The following GOLGA6L9 variants were observed in gnomAD, a reference collection of about 807,000 sequenced individuals.
The protein encoded by GOLGA6L9 is golgin subfamily A member 6-like protein 9.
In GOLGA6L9, 19 loss-of-function variants were observed where a neutral mutation model predicts 51.3. The observed-to-expected ratio is 0.37, with a 90% CI of 0.26 to 0.54. GOLGA6L9 has a LOEUF of 0.54. GOLGA6L9 is among the 20% of genes least tolerant of loss of function. The pLI is 0.83. For missense variants in GOLGA6L9, 247 were observed against 464.1 expected, an observed-to-expected ratio of 0.53 and a Z score of 4.30; for synonymous variants, 97 against 184.2, an observed-to-expected ratio of 0.53 and a Z score of 3.83.
At chr15:82,417,268 C>T in the GOLGA6L9 span, among the ~76,000 whole-genome samples, 2 of 151,974 alleles carry the variant, frequency 1.3e-5, no homozygotes, top group South Asian at 2.1e-4. Flanking sequence ...CTTAGATGAC[C>T]GTTACTTCAA....
upstream of GOLGA6L9, among the ~76,000 whole-genome samples, chr15:82,427,336 C>A (rs1416095633): frequency 1.6e-5 from 2 of 126,934 alleles, no homozygotes; most frequent in Non-Finnish European, 3.3e-5. Context: ...CTTTTTCTTT[C>A]TCTCTTTTTC....
At chr15:82,418,080 CACTT>C in the GOLGA6L9 span, among the ~76,000 whole-genome samples, 6 of 152,174 alleles carry the variant, frequency 3.9e-5, no homozygotes, top group African/African-American at 1.4e-4. Context: ...GTGGGAAAGA[CACTT>C]GCTTGGATTC....
intron 7 of GOLGA6L9, 145 bp from the exon 8 acceptor site, chr15:82,435,822 A>AGG (rs2031643571): frequency 1.9e-6 from 1 of 522,640 alleles, no homozygotes; most frequent in African/African-American, 3.3e-5. Context: ...GTTCTAAGCA[A>AGG]GGGAGACAGT....
intron 4 of GOLGA6L9, 38 bp downstream of exon 4, chr15:82,432,935 A>G: frequency 1.3e-6 from 2 of 1,585,678 alleles, no homozygotes; most frequent in Admixed American, 1.7e-5. Flanking sequence ...ACAGCTGGTC[A>G]ATCCTGGACT....
At position 82,431,880 on chromosome 15, in the gene GOLGA6L9, C is replaced by G. The variant is rs2031415392; in HGVS notation, c.135C>G (p.Asn45Lys). 1 of 1,442,734 alleles carries G rather than the reference C, an allele frequency of 6.9e-7. No individual in the cohort carries two copies. The highest frequency in any genetic ancestry group is 9.2e-7 in the Non-Finnish European group (1 of 1,091,698). 89.4% of individuals were successfully genotyped at this position (1,442,734 alleles called of 1,614,324 possible). A position where few individuals can be genotyped will look rare whatever the true frequency, so the allele number is the denominator to read the frequency against. ...RKSPGIPAGA[N>K]RKKKINGSSP... Reference sequence around the variant, plus strand: ...GCCCTGGCATTCCAGCAGGAGCTAACAGGAAAAAGAAAATCAATGGCAGTA... The same window carrying G: ...GCCCTGGCATTCCAGCAGGAGCTAAGAGGAAAAAGAAAATCAATGGCAGTA... Residue 45 changes from asparagine (N) to lysine (K), a missense_variant, in exon 2 of 9, where the codon AAC becomes AAG. By Grantham distance (94) the Asn-to-Lys change is moderately conservative (BLOSUM62 0). Around this residue, in one of 9 missense-constraint regions of GOLGA6L9, gnomAD observed 74 missense variants for 91.2 expected, o/e 0.81. Transcript: ENST00000618348.
chr15:82,416,461 G>C, the GOLGA6L9 span, among the ~76,000 whole-genome samples: 1 of 152,100 alleles, frequency 6.6e-6, no homozygotes, highest in African/African-American at 2.4e-5. Context: ...GAGACACATT[G>C]TGCTCACAGA....
chr15:82,436,181 T>C (rs2031659709), intron 8 of GOLGA6L9, 98 bp from the exon 9 acceptor site: 1 of 743,636 alleles, frequency 1.3e-6, no homozygotes. Flanking sequence ...TGAGCCTCAC[T>C]GATAGCATGG....
chr15:82,424,814 C>CA, the GOLGA6L9 span, among the ~76,000 whole-genome samples: 1 of 147,478 alleles, frequency 6.8e-6, no homozygotes, highest in Non-Finnish European at 1.5e-5. Context: ...TGCTGAAAAT[C>CA]AGACTCTTCT....
chr15:82,417,411 G>A, the GOLGA6L9 span, among the ~76,000 whole-genome samples: 4 of 152,138 alleles, frequency 2.6e-5, no homozygotes, highest in African/African-American at 4.8e-5. Context: ...TAGTAGAGTC[G>A]ACCACTTTTA....
the GOLGA6L9 span, among the ~76,000 whole-genome samples, chr15:82,420,785 A>AAATG: frequency 1.3e-5 from 2 of 152,162 alleles, no homozygotes. Flanking sequence ...CCAGGACATT[A>AAATG]CTGAGAAAGC....
the GOLGA6L9 span, chr15:82,419,980 G>A: frequency 2.5e-6 from 1 of 393,812 alleles, no homozygotes; most frequent in South Asian, 2.6e-5. Context: ...CTTCCTGTAG[G>A]GCTGAAGCAG....
chr15:82,416,728 C>T, the GOLGA6L9 span, among the ~76,000 whole-genome samples: 4 of 152,156 alleles, frequency 2.6e-5, no homozygotes, highest in Non-Finnish European at 4.4e-5. Context: ...AAAGCTTAAG[C>T]ATTGTGTGAT....
upstream of GOLGA6L9, among the ~76,000 whole-genome samples, chr15:82,429,066 C>T (rs2031299032): frequency 6.6e-6 from 1 of 151,916 alleles, no homozygotes; most frequent in South Asian, 2.1e-4. Context: ...TATTTTGTAT[C>T]TTATTTTATT....
At chr15:82,429,806 G>C (rs2031341253), upstream of GOLGA6L9, among the ~76,000 whole-genome samples, 2 of 152,086 alleles carry the variant, frequency 1.3e-5, no homozygotes, top group Non-Finnish European at 1.5e-5. Flanking sequence ...CCCTCTCCCA[G>C]AGTGGGCGGC....
the GOLGA6L9 span, among the ~76,000 whole-genome samples, chr15:82,417,760 G>A: frequency 6.6e-6 from 1 of 152,176 alleles, no homozygotes; most frequent in Non-Finnish European, 1.5e-5. Flanking sequence ...CAAGTGTGGT[G>A]TTAACTCATT....
At chr15:82,429,074 A>G (rs3879331), upstream of GOLGA6L9, among the ~76,000 whole-genome samples, 52,772 of 151,762 alleles carry the variant, frequency 0.35, 10,060 homozygotes, top group East Asian at 0.6. Flanking sequence ...ATCTTATTTT[A>G]TTTTATTTTA....
chr15:82,420,972 T>C, the GOLGA6L9 span, among the ~76,000 whole-genome samples: 2 of 131,738 alleles, frequency 1.5e-5, no homozygotes, highest in African/African-American at 5.9e-5. Context: ...GCACACAGCC[T>C]TTAGGGCAGC....
rs1158511729 is a variant in GOLGA6L9, at chr15:82,430,143, T to C, written c.64T>C (p.Leu22=). 2.7e-5 allele frequency: 23 copies of C among 861,980 alleles called. No homozygotes were observed. In the Admixed American group the frequency reaches 4.1e-4, roughly 16 times the overall value. The allele number at this position is 861,980 out of a possible 1,614,324, so 53.4% of individuals were successfully genotyped here. The change falls in exon 1 of 9, where the codon TTG becomes CTG. Residue 22 remains leucine (L), a synonymous_variant. Coordinates refer to ENST00000618348, the MANE Select transcript of GOLGA6L9 (RefSeq NM_198181.4). ...GTCAGAAAAAACACAACAGGGGAAA[T>C]TGGCCGCAGCCAAGAAAAAGGTAAA... ...AMSEKTQQGK[L]AAAKKKLKAY...
At position 82,432,553 on chromosome 15, in the gene GOLGA6L9, G is replaced by T. The variant is rs2031451233; in HGVS notation, c.205-19G>T. On this transcript the variant is annotated intron_variant, in intron 2 of 8. Coordinates refer to ENST00000618348, the MANE Select transcript of GOLGA6L9 (RefSeq NM_198181.4). ...GAGGGGGGACAGAACATCTCCATGT[G>T]CACTCTCATCTCTTGGAGTCAGCAA... 32 of 1,600,980 alleles carry T rather than the reference G, an allele frequency of 2.0e-5. No individual in the cohort carries two copies. Among genetic ancestry groups the T allele is most frequent in the Non-Finnish European group, 2.6e-5 (31 of 1,179,332 alleles).
Sources: allele counts gnomAD v4.1 joint callset (sites outside exome capture counted in the v4.1 genomes callset), GRCh38; gene constraint gnomAD v4.1.1; regional missense constraint gnomAD v4.1.1; transcripts MANE v1.5; gene names NCBI Gene and HGNC (gene_info 2026-07-23, HGNC 2026-07-21).